The following SFRP4 variants were observed in gnomAD, a reference collection of about 807,000 sequenced individuals.
SFRP4 encodes the protein secreted frizzled related protein 4.
Under a neutral mutation model 36.3 loss-of-function variants are expected in SFRP4, and 25 were observed. The ratio of observed to expected loss-of-function variants is 0.69; its 90% CI spans 0.50 to 0.96. The LOEUF is 0.96. Ranked by LOEUF, SFRP4 falls within the 40% of genes least tolerant of loss-of-function variation. The pLI is 0.00. For synonymous variants in SFRP4, 182 were observed against 168.8 expected, an observed-to-expected ratio of 1.08 and a Z score of -0.60; for missense variants, 487 against 459.6, an observed-to-expected ratio of 1.06 and a Z score of -0.54.
chr7:37,906,469 C>G lies in SFRP4; in HGVS notation c.*1010G>C, dbSNP rs1447345812. On this transcript the variant is annotated 3_prime_UTR_variant, in exon 6 of 6. Transcript: ENST00000436072. Reference sequence around the variant, plus strand: ...AATTCTCATTTCAGAGGTGGAACCTCAACTTTCCTCTCTGTACATTTATAT... The same window carrying G: ...AATTCTCATTTCAGAGGTGGAACCTGAACTTTCCTCTCTGTACATTTATAT... The G allele has an allele frequency of 6.6e-6, 1 of 152,186 alleles. No homozygotes were observed. Among genetic ancestry groups the G allele is most frequent in the Admixed American group, 6.5e-5 (1 of 15,276 alleles). 9.4% of individuals were successfully genotyped at this position (152,186 alleles called of 1,614,324 possible).
At chr7:37,915,426 A>G (rs1367271925) in intron 1 of SFRP4, among the ~76,000 whole-genome samples, 1 of 152,228 alleles carries the variant, frequency 6.6e-6, no homozygotes, top group Non-Finnish European at 1.5e-5. Flanking sequence ...AAAAGAATGC[A>G]AAAATATTCC....
chr7:37,915,795 A>G (rs1220884412), intron 1 of SFRP4, among the ~76,000 whole-genome samples: 1 of 152,142 alleles, frequency 6.6e-6, no homozygotes, highest in Non-Finnish European at 1.5e-5. Flanking sequence ...ACCTAGCAAC[A>G]CCTGTTTACT....
In SFRP4 at chr7:37,916,366, TG is replaced by T. The variant is rs1380412657; in HGVS notation, c.171del (p.Ile58SerfsTer10). 6.2e-7 allele frequency: 1 copy of T among 1,614,232 alleles called. No homozygotes were observed. Among genetic ancestry groups the T allele is most frequent in the Admixed American group, 1.7e-5 (1 of 60,034 alleles). On this transcript the variant is annotated frameshift_variant, in exon 1 of 6. Coordinates refer to ENST00000436072, the MANE Select transcript of SFRP4 (RefSeq NM_003014.4). LOFTEE classifies it high-confidence loss of function. The surrounding 1 kb of genome is among the most constrained non-coding windows in gnomAD (Gnocchi z 4.1). ...TCCACCAGCTCCTCGTACTGCTCGA[TG>T]GCCAGGATGGCGTTCTCCTGCGTGC... ...HHSTQENAIL[A>X]IEQYEELVDV... is the part of the protein sequence containing the mutation.
At chr7:37,908,335 A>G (rs1282133563) in intron 5 of SFRP4, among the ~76,000 whole-genome samples, 1 of 152,184 alleles carries the variant, frequency 6.6e-6, no homozygotes, top group Non-Finnish European at 1.5e-5. Flanking sequence ...TTGAATTGAC[A>G]TTGCTTTATA....
chr7:37,912,102 T>C lies in SFRP4; in HGVS notation c.791+17A>G. 1 of 1,599,864 alleles carries C rather than the reference T, an allele frequency of 6.3e-7. No individual in the cohort carries two copies. The highest frequency in any genetic ancestry group is 2.2e-5 in the East Asian group (1 of 44,794). On this transcript the variant is annotated intron_variant, in intron 4 of 5. Coordinates refer to ENST00000436072, the MANE Select transcript of SFRP4 (RefSeq NM_003014.4). ...CTAACAGTGTGCATACAGTTCCTTC[T>C]GCCTCTTTGTGCCTACCTTGAGCGC...
chr7:37,911,421 A>G (rs181251479), intron 4 of SFRP4, among the ~76,000 whole-genome samples: 1 of 152,182 alleles, frequency 6.6e-6, no homozygotes, highest in Non-Finnish European at 1.5e-5. Context: ...GCATCAACTT[A>G]TGGGGCCCAA....
At position 37,912,291 on chromosome 7, in the gene SFRP4, G is replaced by A. The variant is rs1785505598; in HGVS notation, c.619C>T (p.Gln207Ter). ...GTGACCTCATTGCAGCCACTCCTCT[G>A]CACAGCTTTTATTTTGGCATGAATA... ...YVIHAKIKAV[Q>*]RSGCNEVTTV... The change falls in exon 4 of 6, where the codon CAG becomes TAG. Residue 207 changes from glutamine (Q) to a stop codon, truncating the protein, a stop_gained. Transcript: ENST00000436072. LOFTEE classifies it high-confidence loss of function. The A allele has an allele frequency of 6.2e-7, 1 of 1,613,922 alleles. No homozygotes were observed. Among genetic ancestry groups the A allele is most frequent in the Non-Finnish European group, 8.5e-7 (1 of 1,179,826 alleles).
Position 37,906,315 on chromosome 7 carries a change from G to A in SFRP4, c.*1164C>T, listed in dbSNP as rs1377423283. On this transcript the variant is annotated 3_prime_UTR_variant, in exon 6 of 6. Coordinates refer to ENST00000436072, the MANE Select transcript of SFRP4 (RefSeq NM_003014.4). ...CTTATAGAGAATACATGCTTACTGT[G>A]TTAGCAAAAGGCCAATAAAATTGTT... The A allele has an allele frequency of 1.3e-5, 2 of 152,134 alleles. No homozygotes were observed. The highest frequency in any genetic ancestry group is 2.4e-5 in the African/African-American group (1 of 41,418). The allele number at this position is 152,134 out of a possible 1,614,324, so 9.4% of individuals were successfully genotyped here. A position where few individuals can be genotyped will look rare whatever the true frequency, so the allele number is the denominator to read the frequency against.
At position 37,910,414 on chromosome 7, in the gene SFRP4, T is replaced by C. The variant is rs184913090; in HGVS notation, c.792-734A>G. 3.7e-3 allele frequency among the ~76,000 whole-genome samples: 556 copies of C among 152,098 alleles called. 2 individuals carry two copies. Among genetic ancestry groups the C allele is most frequent in the Non-Finnish European group, 5.7e-3 (390 of 67,894 alleles). On this transcript the variant is annotated intron_variant, in intron 4 of 5. Coordinates refer to ENST00000436072, the MANE Select transcript of SFRP4 (RefSeq NM_003014.4). ...TTAAATATTAATTTTATGAACTCTT[T>C]AGTAAGATTACTATTTTTTCATATC...
At chr7:37,914,148 T>A in intron 3 of SFRP4, 65 bp downstream of exon 3, 1 of 1,262,700 alleles carries the variant, frequency 7.9e-7, no homozygotes, top group Non-Finnish European at 1.2e-6. Context: ...AGAGCGACCT[T>A]ATTGAGATTC....
rs1043431140 is a variant in SFRP4, at chr7:37,906,776, A to G, written c.*703T>C. On this transcript the variant is annotated 3_prime_UTR_variant, in exon 6 of 6. Coordinates refer to ENST00000436072, the MANE Select transcript of SFRP4 (RefSeq NM_003014.4). ...TCATGATCATGAAATCAGGTAACCA[A>G]AAAACAGGAATCCAGACATTGTCTG... 4 of 152,214 alleles carry G rather than the reference A, an allele frequency of 2.6e-5. No individual in the cohort carries two copies. Among genetic ancestry groups the G allele is most frequent in the African/African-American group, 9.6e-5 (4 of 41,458 alleles). The allele number at this position is 152,214 out of a possible 1,614,324, so 9.4% of individuals were successfully genotyped here.
chr7:37,910,146 G>A (rs1419335727), intron 4 of SFRP4, among the ~76,000 whole-genome samples: 2 of 151,846 alleles, frequency 1.3e-5, no homozygotes, highest in African/African-American at 4.8e-5. Context: ...GAGTTAAAGG[G>A]TATGTATTTT....
chr7:37,916,119 T>C lies in SFRP4; in HGVS notation c.419A>G (p.Glu140Gly). 6.2e-7 allele frequency: 1 copy of C among 1,613,738 alleles called. No homozygotes were observed. Among genetic ancestry groups the C allele is most frequent in the East Asian group, 2.2e-5 (1 of 44,834 alleles). The change falls in exon 1 of 6, where the codon GAA (glutamate) becomes GGA (glycine). Residue 140 changes from glutamate (E) to glycine (G), a missense_variant. Transcript: ENST00000436072. The surrounding 1 kb of genome is among the most constrained non-coding windows in gnomAD (Gnocchi z 4.1). ...VYDRGVCISP[E>G]AIVTDLPEDV... ...CTCCGGGAGGTCCGTGACGATGGCT[T>C]CAGGCGAGATGCACACGCCACGGTC...
chr7:37,909,646 A>G lies in SFRP4; in HGVS notation c.826T>C (p.Trp276Arg), dbSNP rs1785451178. 1.3e-6 allele frequency: 2 copies of G among 1,583,550 alleles called. No homozygotes were observed. Among genetic ancestry groups the G allele is most frequent in the African/African-American group, 1.4e-5 (1 of 73,730 alleles). Reference protein sequence around the residue: ...MLLENCLVEKWRDQLSKRSIQ... With the variant: ...MLLENCLVEKRRDQLSKRSIQ... ...GATCTTTTACTAAGCTGATCTCTCC[A>G]TTTTTCAACTAAGCAATTTTCAAGA... The change falls in exon 5 of 6, where the codon TGG (tryptophan) becomes CGG (arginine). Residue 276 changes from tryptophan to arginine, a missense_variant. Trp to Arg is a moderately radical substitution (Grantham distance 101, BLOSUM62 -3). Coordinates refer to ENST00000436072, the MANE Select transcript of SFRP4 (RefSeq NM_003014.4).
In SFRP4 at chr7:37,914,230, C is replaced by A. The variant is rs1262618169; in HGVS notation, c.575G>T (p.Ser192Ile). The A allele has an allele frequency of 6.2e-7, 1 of 1,613,912 alleles. No homozygotes were observed. The highest frequency in any genetic ancestry group is 1.7e-5 in the Admixed American group (1 of 60,006). The change falls in exon 3 of 6, where the codon AGC (serine) becomes ATC (isoleucine). Residue 192 changes from serine to isoleucine, a missense_variant. Ser to Ile is a moderately radical substitution (Grantham distance 142). Coordinates refer to ENST00000436072, the MANE Select transcript of SFRP4 (RefSeq NM_003014.4). Reference sequence around the variant, plus strand: ...CGACTTACCATAGCTGTAGTTTTTGCTGAGATACGTTGCCAAAGTTGGCTT... The same window carrying A: ...CGACTTACCATAGCTGTAGTTTTTGATGAGATACGTTGCCAAAGTTGGCTT... ...KVKPTLATYL[S>I]KNYSYVIHAK...
intron 1 of SFRP4, 25 bp from the exon 2 acceptor site, chr7:37,914,478 G>T (rs773099429): frequency 1.3e-6 from 2 of 1,580,664 alleles, no homozygotes; most frequent in Non-Finnish European, 8.7e-7. Context: ...GGGCCACATG[G>T]GCGTGGTTGG....
chr7:37,907,722 G>T, intron 5 of SFRP4, 58 bp from the exon 6 acceptor site: 1 of 1,335,386 alleles, frequency 7.5e-7, no homozygotes, highest in Non-Finnish European at 1.0e-6. Flanking sequence ...ATGGTGCTCA[G>T]CTAATGTGAA....
Position 37,916,094 on chromosome 7 carries a change from CTCCGGGA to C in SFRP4, c.437_443del (p.Leu146ArgfsTer6). On this transcript the variant is annotated frameshift_variant and splice_region_variant, in exon 1 of 6. Coordinates refer to ENST00000436072, the MANE Select transcript of SFRP4 (RefSeq NM_003014.4). LOFTEE classifies it high-confidence loss of function. The surrounding 1 kb of genome is among the most constrained non-coding windows in gnomAD (Gnocchi z 4.1). ...CCTCCATCCTTCCTACGGCCTCACC[CTCCGGGA>C]GGTCCGTGACGATGGCTTCAGGCGA... 6.2e-7 allele frequency: 1 copy of C among 1,610,840 alleles called. No individual in the cohort carries two copies. Among genetic ancestry groups the C allele is most frequent in the Non-Finnish European group, 8.5e-7 (1 of 1,177,682 alleles).
chr7:37,909,559 A>G, intron 5 of SFRP4, 58 bp downstream of exon 5: 1 of 993,464 alleles, frequency 1.0e-6, no homozygotes, highest in Non-Finnish European at 1.5e-6. Flanking sequence ...CCCCAACTCT[A>G]AAGAAATCTG....
Sources: allele counts gnomAD v4.1 joint callset (sites outside exome capture counted in the v4.1 genomes callset), GRCh38; gene constraint gnomAD v4.1.1; non-coding constraint Gnocchi (gnomAD v3.1); transcripts MANE v1.5; gene names NCBI Gene and HGNC (gene_info 2026-07-23, HGNC 2026-07-21).